Variants in ROCK1 observed in about 807,000 individuals in gnomAD.
ROCK1 encodes rho-associated protein kinase 1.
A neutral mutation model predicts 196.8 loss-of-function variants in ROCK1; 36 were observed. The ratio of observed to expected loss-of-function variants is 0.18; its 90% CI spans 0.14 to 0.24. The LOEUF is 0.24. Among genes scored for constraint, ROCK1 ranks in the 10% least tolerant of loss-of-function variants. ROCK1 has a pLI of 1.00. For missense variants in ROCK1, 920 were observed against 1,562.0 expected (o/e 0.59, Z 6.93); for synonymous variants, 443 against 515.9 (o/e 0.86, Z 1.91).
At chr18:21,024,330 T>A (rs190939558) in intron 10 of ROCK1, among the ~76,000 whole-genome samples, 23,615 of 152,052 alleles carry the variant, frequency 0.16, 3,667 homozygotes, top group African/African-American at 0.39. Context: ...AGTGAACTAA[T>A]TTAGAGGTCT....
intron 32 of ROCK1, among the ~76,000 whole-genome samples, chr18:20,952,420 A>G (rs2035198089): frequency 6.6e-6 from 1 of 151,294 alleles, no homozygotes; most frequent in African/African-American, 2.4e-5. Context: ...TGAATGAATG[A>G]ATGGTTATGC....
intron 16 of ROCK1, among the ~76,000 whole-genome samples, chr18:21,004,267 T>C (rs577427502): frequency 3.9e-5 from 6 of 152,280 alleles, no homozygotes; most frequent in Non-Finnish European, 8.8e-5. Flanking sequence ...TGGAGGACAT[T>C]CAATTAATGA....
intron 12 of ROCK1, among the ~76,000 whole-genome samples, chr18:21,017,116 G>A (rs747243288): frequency 1.3e-5 from 2 of 150,858 alleles, no homozygotes; most frequent in Non-Finnish European, 2.9e-5. Flanking sequence ...AACAGTACAG[G>A]CATCTCCTGA....
At chr18:21,071,181 C>CTTTTTTTTTT (rs11344426) in intron 1 of ROCK1, among the ~76,000 whole-genome samples, 1 of 90,392 alleles carries the variant, frequency 1.1e-5, no homozygotes. Context: ...ATTTTTTCTG[C>CTTTTTTTTTT]TTTTTTTTTT....
chr18:20,983,584 T>G (rs1282323744), intron 20 of ROCK1, among the ~76,000 whole-genome samples: 1 of 152,050 alleles, frequency 6.6e-6, no homozygotes, highest in Non-Finnish European at 1.5e-5. Context: ...TAGCTTTGTA[T>G]TCTCAGTATC....
intron 18 of ROCK1, among the ~76,000 whole-genome samples, chr18:20,989,394 A>C (rs952993438): frequency 3.9e-5 from 6 of 152,244 alleles, no homozygotes; most frequent in Non-Finnish European, 8.8e-5. Context: ...GGATGAGATT[A>C]TGAGCTTTCT....
At chr18:21,100,015 G>A (rs957067001) in intron 1 of ROCK1, among the ~76,000 whole-genome samples, 3 of 151,964 alleles carry the variant, frequency 2.0e-5, no homozygotes, top group East Asian at 1.9e-4. Context: ...CAGTCTGGGC[G>A]ACAGAGCAAG....
At chr18:21,016,141 G>C (rs1431840662) in intron 12 of ROCK1, among the ~76,000 whole-genome samples, 1 of 152,132 alleles carries the variant, frequency 6.6e-6, no homozygotes, top group East Asian at 1.9e-4. Flanking sequence ...TTTAGAGATA[G>C]CTGTAACAAC....
intron 1 of ROCK1, among the ~76,000 whole-genome samples, chr18:21,088,804 C>T (rs1209721834): frequency 1.3e-5 from 2 of 152,054 alleles, no homozygotes; most frequent in African/African-American, 4.8e-5. Flanking sequence ...CATACTGACC[C>T]CTCCCTTCTG....
At chr18:21,091,455 G>T (rs1433023699) in intron 1 of ROCK1, among the ~76,000 whole-genome samples, 2 of 151,724 alleles carry the variant, frequency 1.3e-5, no homozygotes, top group East Asian at 3.9e-4. Context: ...ATACAAAAAT[G>T]AGCTAGGTGT....
chr18:20,955,477 A>G (rs2035232973), intron 29 of ROCK1: 2 of 453,272 alleles, frequency 4.4e-6, no homozygotes, highest in African/African-American at 2.0e-5. Flanking sequence ...GAGAAAGTAA[A>G]TCACTCATAT....
chr18:20,994,709 G>A (rs184524330), intron 16 of ROCK1, among the ~76,000 whole-genome samples: 160 of 152,248 alleles, frequency 1.1e-3, no homozygotes, highest in African/African-American at 3.8e-3. Context: ...TTGAATCCAC[G>A]CAAGATTCCT....
At chr18:21,049,729 G>T (rs2036189201) in intron 3 of ROCK1, 51 bp downstream of exon 3, 1 of 1,068,464 alleles carries the variant, frequency 9.4e-7, no homozygotes, top group South Asian at 1.4e-5. Flanking sequence ...CACACAAGTG[G>T]ATTATTTTAA....
intron 1 of ROCK1, among the ~76,000 whole-genome samples, chr18:21,073,522 G>A (rs1050073339): frequency 4.6e-5 from 7 of 152,110 alleles, no homozygotes; most frequent in Non-Finnish European, 1.0e-4. Context: ...CATCATTTAG[G>A]ATTAAATCCA....
chr18:20,979,364 C>CTA (rs2035509037), intron 22 of ROCK1, among the ~76,000 whole-genome samples: 1 of 152,160 alleles, frequency 6.6e-6, no homozygotes, highest in African/African-American at 2.4e-5. Context: ...TGGCTAATGC[C>CTA]TATAATCCCA....
At chr18:21,006,010 T>C (rs921700721) in intron 16 of ROCK1, among the ~76,000 whole-genome samples, 2 of 152,230 alleles carry the variant, frequency 1.3e-5, no homozygotes, top group African/African-American at 4.8e-5. Flanking sequence ...TTTTATGTTA[T>C]ATATTTTTAA....
rs778074713 is a variant in ROCK1, at chr18:20,950,370, GAC to G, written c.*1012_*1013del. 4 of 152,708 alleles carry G rather than the reference GAC, an allele frequency of 2.6e-5. No individual in the cohort carries two copies. The highest frequency in any genetic ancestry group is 4.1e-4 in the South Asian group (2 of 4,826). 9.5% of individuals were successfully genotyped at this position (152,708 alleles called of 1,614,324 possible). ...ACCAATTATCAATGAAAAACTCACT[GAC>G]ACACATAATTTTTTGAAAATACATT... On this transcript the variant is annotated 3_prime_UTR_variant, in exon 33 of 33. Coordinates refer to ENST00000399799, the MANE Select transcript of ROCK1 (RefSeq NM_005406.3).
chr18:20,960,032 T>C, intron 28 of ROCK1, 104 bp from the exon 29 acceptor site: 1 of 1,043,178 alleles, frequency 9.6e-7, no homozygotes, highest in Admixed American at 1.9e-5. Flanking sequence ...ACTGTATTAA[T>C]GTAAAATAAA....
At chr18:21,096,753 GAAA>G (rs1279188210) in intron 1 of ROCK1, among the ~76,000 whole-genome samples, 1 of 151,780 alleles carries the variant, frequency 6.6e-6, no homozygotes, top group African/African-American at 2.4e-5. Context: ...GAAAGAAAGG[GAAA>G]AAACAAAGGA....
Sources: gnomAD v4.1 joint callset for allele counts (sites outside exome capture counted in the v4.1 genomes callset) on GRCh38, gnomAD v4.1.1 for gene constraint, MANE v1.5 for transcripts, NCBI Gene and HGNC (gene_info 2026-07-23, HGNC 2026-07-21) for gene names.